GPR89A: variants seen among roughly 807,000 people sequenced by gnomAD.
GPR89A encodes golgi pH regulator A.
Under a neutral mutation model 52.0 loss-of-function variants are expected in GPR89A, and 16 were observed. That is an observed-to-expected ratio of 0.31 (90% CI 0.21 to 0.47). The LOEUF is 0.47. Ranked by LOEUF, GPR89A falls within the 20% of genes least tolerant of loss-of-function variation. GPR89A has a pLI of 1.00. For missense variants in GPR89A, 135 were observed against 449.4 expected (o/e 0.30, Z 6.33); for synonymous variants, 55 against 150.9 (o/e 0.36, Z 4.66).
intron 7 of GPR89A, among the ~76,000 whole-genome samples, chr1:145,635,357 G>T (rs1270592641): frequency 3.3e-5 from 5 of 151,782 alleles, no homozygotes; most frequent in Non-Finnish European, 5.9e-5. Flanking sequence ...GGTAAGCCCA[G>T]ATCGCGCCAC....
intron 1 of GPR89A, among the ~76,000 whole-genome samples, chr1:145,613,934 G>A (rs1345805218): frequency 3.9e-5 from 6 of 152,046 alleles, no homozygotes; most frequent in African/African-American, 1.5e-4. Context: ...CTACAGGCAC[G>A]CACCACCATA....
At chr1:145,647,873 CTCTCTCTATATATA>C (rs1651149425) in intron 10 of GPR89A, among the ~76,000 whole-genome samples, 42 of 80,648 alleles carry the variant, frequency 5.2e-4, no homozygotes, top group African/African-American at 1.3e-3. Flanking sequence ...CTCTCTCTCT[CTCTCTCTATATATA>C]TATATATATA....
At chr1:145,623,253 C>T in intron 4 of GPR89A, 93 bp downstream of exon 4, 1 of 826,216 alleles carries the variant, frequency 1.2e-6, no homozygotes, top group Non-Finnish European at 1.9e-6. Context: ...CATTAACTTT[C>T]AGTATCTACC....
chr1:145,665,808 C>A (rs1315460792), intron 12 of GPR89A, among the ~76,000 whole-genome samples, 157 bp downstream of exon 12: 4 of 142,556 alleles, frequency 2.8e-5, no homozygotes, highest in African/African-American at 1.0e-4. Flanking sequence ...TCCTAGCCAA[C>A]ATGGTGAAAC....
At chr1:145,656,759 T>C (rs1651833362) in intron 10 of GPR89A, among the ~76,000 whole-genome samples, 1 of 151,964 alleles carries the variant, frequency 6.6e-6, no homozygotes, top group African/African-American at 2.4e-5. Flanking sequence ...GTAGGATTAG[T>C]CATCCTACTG....
intron 10 of GPR89A, among the ~76,000 whole-genome samples, chr1:145,655,720 A>G (rs1485499071): frequency 2.0e-5 from 3 of 152,178 alleles, no homozygotes; most frequent in Non-Finnish European, 2.9e-5. Context: ...ACGTTCCTGT[A>G]TAAGATGTCT....
chr1:145,669,484 A>G (rs1336158551), intron 12 of GPR89A, 141 bp from the exon 13 acceptor site: 2 of 674,204 alleles, frequency 3.0e-6, no homozygotes, highest in Admixed American at 4.9e-5. Flanking sequence ...TCTTCTTTAT[A>G]GTCTTAATCA....
At chr1:145,619,489 G>A (rs1571472305) in intron 3 of GPR89A, among the ~76,000 whole-genome samples, 4 of 152,076 alleles carry the variant, frequency 2.6e-5, no homozygotes, top group Non-Finnish European at 5.9e-5. Flanking sequence ...GTACACGTCT[G>A]TAGTGCCAGC....
chr1:145,629,005 C>T (rs1553689410), intron 5 of GPR89A, among the ~76,000 whole-genome samples: 4 of 152,012 alleles, frequency 2.6e-5, no homozygotes, highest in Non-Finnish European at 5.9e-5. Context: ...GATGATGGAA[C>T]AAGACTCTGA....
intron 11 of GPR89A, among the ~76,000 whole-genome samples, 192 bp from the exon 12 acceptor site, chr1:145,665,370 G>A (rs1162153762): frequency 6.6e-6 from 1 of 151,816 alleles, no homozygotes; most frequent in African/African-American, 2.4e-5. Context: ...GCTAATTAAG[G>A]TATTTACTGC....
intron 7 of GPR89A, among the ~76,000 whole-genome samples, chr1:145,635,794 A>G (rs1381443861): frequency 6.6e-6 from 1 of 152,198 alleles, no homozygotes; most frequent in African/African-American, 2.4e-5. Flanking sequence ...CCCCATCTCT[A>G]GTAAAAATAC....
At chr1:145,612,253 A>G (rs587622148) in intron 1 of GPR89A, 1 of 152,288 alleles carries the variant, frequency 6.6e-6, no homozygotes, top group South Asian at 2.1e-4. Context: ...AAAAGGTATG[A>G]TCTCCTACTA....
chr1:145,619,308 A>AAAC (rs1196340650), intron 3 of GPR89A, among the ~76,000 whole-genome samples: 4 of 10,086 alleles, frequency 4.0e-4, no homozygotes, highest in African/African-American at 4.4e-4. Context: ...AAGGTTAAAA[A>AAAC]AAAAAAAAGA....
chr1:145,626,247 A>G (rs587673792), intron 5 of GPR89A, among the ~76,000 whole-genome samples: 117 of 151,688 alleles, frequency 7.7e-4, no homozygotes, highest in African/African-American at 2.8e-3. Context: ...ACAGTCTCAC[A>G]TGCACTACAA....
intron 7 of GPR89A, among the ~76,000 whole-genome samples, chr1:145,641,198 A>G (rs1397628524): frequency 1.3e-5 from 2 of 150,950 alleles, no homozygotes; most frequent in Non-Finnish European, 2.9e-5. Flanking sequence ...TCACACAAAA[A>G]AACTGTACTT....
chr1:145,654,370 G>T (rs1205014284), intron 10 of GPR89A, among the ~76,000 whole-genome samples: 6 of 151,644 alleles, frequency 4.0e-5, no homozygotes, highest in African/African-American at 1.5e-4. Context: ...TGGCTAACAC[G>T]GTGAAACCCC....
intron 5 of GPR89A, among the ~76,000 whole-genome samples, chr1:145,624,584 A>C (rs1649366388): frequency 6.6e-6 from 1 of 151,334 alleles, no homozygotes. Flanking sequence ...TGCAGAAAAC[A>C]GAATCTACTG....
Position 145,652,697 on chromosome 1 carries a change from C to A in GPR89A, c.909+5430C>A, listed in dbSNP as rs587623933. ...CTTATGGGTCTATTCAGGGATTCAACTTCTTCCTGGTTCAGTCTTGGGAGG... is the reference window on the plus strand; with the variant it reads ...CTTATGGGTCTATTCAGGGATTCAAATTCTTCCTGGTTCAGTCTTGGGAGG... On this transcript the variant is annotated intron_variant, in intron 10 of 13. Transcript: ENST00000313835. Among the ~76,000 whole-genome samples the A allele has an allele frequency of 5.1e-4, 62 of 120,874 alleles. 1 individual carries two copies. The highest frequency in any genetic ancestry group is 2.2e-3 in the African/African-American group (59 of 26,980). The allele number at this position is 120,874 out of a possible 152,430, so 79.3% of individuals were successfully genotyped here.
At chr1:145,609,120 C>T (rs1559018025) in intron 1 of GPR89A, among the ~76,000 whole-genome samples, 1 of 152,174 alleles carries the variant, frequency 6.6e-6, no homozygotes, top group African/African-American at 2.4e-5. Context: ...CCTTCTTCCC[C>T]CCATCTTTCC....
Sources: allele counts gnomAD v4.1 joint callset (sites outside exome capture counted in the v4.1 genomes callset), GRCh38; gene constraint gnomAD v4.1.1; transcripts MANE v1.5; gene names NCBI Gene and HGNC (gene_info 2026-07-23, HGNC 2026-07-21).